The following ASTN2 variants were observed in gnomAD, a reference collection of about 807,000 sequenced individuals.
The protein encoded by ASTN2 is astrotactin 2.
ASTN2 carries 54 observed loss-of-function variants against 139.8 expected under a neutral mutation model. The observed-to-expected ratio is 0.39, with a 90% CI of 0.31 to 0.48. The LOEUF (loss-of-function observed/expected upper bound fraction) is 0.48, where lower values mean the gene tolerates loss of function less well. Among genes scored for constraint, ASTN2 ranks in the 20% least tolerant of loss-of-function variants. ASTN2 has a pLI of 0.95. For missense variants in ASTN2, 1,565 were observed against 1,725.1 expected (o/e 0.91, Z 1.64); for synonymous variants, 756 against 719.5 (o/e 1.05, Z -0.81).
intron 3 of ASTN2, among the ~76,000 whole-genome samples, chr9:117,147,446 C>CAA (rs1830223477): frequency 6.6e-6 from 1 of 150,828 alleles, no homozygotes; most frequent in East Asian, 2.0e-4. Context: ...AAAACACACA[C>CAA]ACACACACAC....
intron 13 of ASTN2, among the ~76,000 whole-genome samples, chr9:116,795,505 C>T (rs956806075): frequency 9.9e-5 from 15 of 152,152 alleles, no homozygotes; most frequent in Admixed American, 3.3e-4. Flanking sequence ...TATGTTTTCC[C>T]GAGGCTGTGA....
chr9:116,933,972 G>T (rs1834985271), intron 10 of ASTN2, among the ~76,000 whole-genome samples: 1 of 52,976 alleles, frequency 1.9e-5, no homozygotes, highest in East Asian at 1.3e-3. Context: ...TGTGCGAAGT[G>T]TTAGTCCTTT....
At chr9:116,568,373 T>C (rs1372384453) in intron 19 of ASTN2, 1 of 152,114 alleles carries the variant, frequency 6.6e-6, no homozygotes, top group Non-Finnish European at 1.5e-5. Flanking sequence ...AATTTTTATC[T>C]TTTTTTAGGA....
chr9:116,983,404 C>A (rs1254532345), intron 7 of ASTN2, among the ~76,000 whole-genome samples: 1 of 152,188 alleles, frequency 6.6e-6, no homozygotes, highest in Non-Finnish European at 1.5e-5. Flanking sequence ...GGTACTGATG[C>A]CCTCCTTGTA....
chr9:116,828,546 A>G (rs1336359911), intron 11 of ASTN2, among the ~76,000 whole-genome samples: 3 of 152,196 alleles, frequency 2.0e-5, no homozygotes, highest in Non-Finnish European at 4.4e-5. Context: ...AATCCTCAAC[A>G]GAGTAATCAT....
At chr9:116,929,664 T>A (rs996991489) in intron 10 of ASTN2, among the ~76,000 whole-genome samples, 5 of 152,158 alleles carry the variant, frequency 3.3e-5, no homozygotes, top group African/African-American at 4.8e-5. Context: ...GCTGACTAAT[T>A]GAATTACTCT....
chr9:117,390,245 CA>C (rs1249887063), intron 1 of ASTN2, among the ~76,000 whole-genome samples: 2 of 152,088 alleles, frequency 1.3e-5, no homozygotes, highest in Non-Finnish European at 2.9e-5. Flanking sequence ...CAGAGAATTC[CA>C]ATATCCTAAC....
At position 117,096,167 on chromosome 9, in the gene ASTN2, G is replaced by C; in HGVS notation, c.1169-16C>G. 1 of 1,605,644 alleles carries C rather than the reference G, an allele frequency of 6.2e-7. No individual in the cohort carries two copies. The highest frequency in any genetic ancestry group is 1.3e-5 in the African/African-American group (1 of 74,876). ...CTGATTCCTCCTGTGAGTAAGCACA[G>C]TCTATCAGTTAGTCTCCCAGGCCTC... On this transcript the variant is annotated splice_polypyrimidine_tract_variant and intron_variant, in intron 4 of 22. Transcript: ENST00000313400.
intron 5 of ASTN2, among the ~76,000 whole-genome samples, chr9:117,060,397 A>G (rs61043495): frequency 0.029 from 2,263 of 79,210 alleles, 80 homozygotes; most frequent in African/African-American, 0.056. Context: ...AAAGAAAGAA[A>G]GAAAGAAAGA....
chr9:117,302,182 C>T (rs991054339), intron 1 of ASTN2, among the ~76,000 whole-genome samples: 3 of 152,096 alleles, frequency 2.0e-5, no homozygotes, highest in Non-Finnish European at 2.9e-5. Context: ...TAAACAGTTT[C>T]CAAGACCCTT....
intron 12 of ASTN2, among the ~76,000 whole-genome samples, chr9:116,817,306 AG>A (rs1564284076): frequency 8.8e-6 from 1 of 113,350 alleles, no homozygotes; most frequent in Non-Finnish European, 1.8e-5. Flanking sequence ...AAAAAAAAAA[AG>A]AAGAAAGAAA....
intron 4 of ASTN2, among the ~76,000 whole-genome samples, chr9:117,099,883 A>G (rs1049791940): frequency 2.0e-5 from 3 of 152,202 alleles, no homozygotes; most frequent in Admixed American, 1.3e-4. Flanking sequence ...ACTGTCTCAG[A>G]GAGGTGATAC....
intron 1 of ASTN2, among the ~76,000 whole-genome samples, chr9:117,320,872 AC>A (rs986108147): frequency 1.3e-5 from 2 of 152,178 alleles, no homozygotes; most frequent in African/African-American, 4.8e-5. Flanking sequence ...CCAGCCTGGG[AC>A]AAATGTGATG....
In ASTN2 at chr9:117,226,769, G is replaced by C. The variant is rs572146975; in HGVS notation, c.631-12027C>G. Among the ~76,000 whole-genome samples the C allele has an allele frequency of 1.5e-3, 234 of 152,320 alleles. 1 individual carries two copies. The highest frequency in any genetic ancestry group is 5.5e-3 in the African/African-American group (227 of 41,576). On this transcript the variant is annotated intron_variant, in intron 2 of 22. Transcript: ENST00000313400. Reference sequence around the variant, plus strand: ...TTTGGCTCCAGAATCCTGTTTGTCTGCTGCATGCTGCTACAATCATCTTGA... The same window carrying C: ...TTTGGCTCCAGAATCCTGTTTGTCTCCTGCATGCTGCTACAATCATCTTGA...
At chr9:117,061,388 T>A (rs921566649) in intron 5 of ASTN2, among the ~76,000 whole-genome samples, 1 of 33,916 alleles carries the variant, frequency 2.9e-5, no homozygotes, top group Admixed American at 2.1e-4. Flanking sequence ...CTATTATTAA[T>A]GTTGCTCTTT....
chr9:116,556,727 ACT>A (rs1186455779), intron 19 of ASTN2, among the ~76,000 whole-genome samples: 3 of 151,926 alleles, frequency 2.0e-5, no homozygotes, highest in African/African-American at 7.3e-5. Flanking sequence ...TAACCCCATA[ACT>A]CTTTTATAAG....
At chr9:117,078,730 A>ATTTTAT (rs1162870162) in intron 5 of ASTN2, among the ~76,000 whole-genome samples, 1 of 151,862 alleles carries the variant, frequency 6.6e-6, no homozygotes, top group African/African-American at 2.4e-5. Context: ...AGAGCTTTTT[A>ATTTTAT]TTTTATTTTT....
intron 3 of ASTN2, 134 bp from the exon 4 acceptor site, chr9:117,141,612 A>T (rs1830078214): frequency 1.5e-6 from 1 of 645,758 alleles, no homozygotes; most frequent in Non-Finnish European, 2.2e-6. Flanking sequence ...ATTCCTTGAA[A>T]CTCCCTCCCT....
chr9:116,443,592 C>T (rs1158333515), intron 20 of ASTN2, among the ~76,000 whole-genome samples: 1 of 152,074 alleles, frequency 6.6e-6, no homozygotes, highest in African/African-American at 2.4e-5. Context: ...TGTCCTATCT[C>T]GGGGAAGCTC....
Sources: gnomAD v4.1 joint callset for allele counts (sites outside exome capture counted in the v4.1 genomes callset) on GRCh38, gnomAD v4.1.1 for gene constraint, MANE v1.5 for transcripts, NCBI Gene and HGNC (gene_info 2026-07-23, HGNC 2026-07-21) for gene names.